Variants in EXTL3 observed in about 807,000 individuals in gnomAD.
EXTL3 encodes exostosin-like 3.
Under a neutral mutation model 69.3 loss-of-function variants are expected in EXTL3, and 27 were observed. That is an observed-to-expected ratio of 0.39 (90% CI 0.29 to 0.54). The LOEUF is 0.54. EXTL3 is among the 20% of genes least tolerant of loss of function. The pLI, the probability that EXTL3 is intolerant of heterozygous loss-of-function variation, is 0.69. For synonymous variants in EXTL3, 511 were observed against 499.4 expected (o/e 1.02, Z -0.31); for missense variants, 1,003 against 1,231.8 (o/e 0.81, Z 2.78).
In EXTL3 at chr8:28,743,419, A is replaced by T. The variant is rs535962761; in HGVS notation, c.2550+205A>T. Among the ~76,000 whole-genome samples the T allele has an allele frequency of 2.0e-5, 3 of 152,346 alleles. No individual in the cohort carries two copies. In the South Asian group the frequency reaches 6.2e-4, roughly 32 times the overall value. ...TTCATTCCTAAGGGCAATGGATAGA[A>T]ATCAGAAGGTTTGGAACTTGGGTGG... On this transcript the variant is annotated intron_variant, in intron 6 of 6. Transcript: ENST00000220562.
chr8:28,608,759 G>A (rs1479798337), intron 2 of EXTL3, among the ~76,000 whole-genome samples: 1 of 151,992 alleles, frequency 6.6e-6, no homozygotes, highest in Non-Finnish European at 1.5e-5. Context: ...AGCTACTTGG[G>A]AGCCTGAGGT....
intron 3 of EXTL3, among the ~76,000 whole-genome samples, chr8:28,723,798 C>T (rs1364408479): frequency 1.3e-5 from 2 of 151,900 alleles, no homozygotes; most frequent in East Asian, 1.9e-4. Flanking sequence ...CATACCACCA[C>T]GCCTGGCTAA....
At chr8:28,739,535 T>G (rs1442095480) in intron 5 of EXTL3, among the ~76,000 whole-genome samples, 2 of 152,116 alleles carry the variant, frequency 1.3e-5, no homozygotes, top group Non-Finnish European at 2.9e-5. Context: ...TTCGCCATGT[T>G]GCTTAGGCTG....
intron 1 of EXTL3, among the ~76,000 whole-genome samples, chr8:28,653,474 A>G (rs1194154089): frequency 1.3e-5 from 2 of 152,134 alleles, no homozygotes; most frequent in Non-Finnish European, 2.9e-5. Context: ...GATTTGCCCC[A>G]TGTTTTCTTT....
chr8:28,633,830 A>G (rs1453163275), intron 1 of EXTL3, among the ~76,000 whole-genome samples: 6 of 152,120 alleles, frequency 3.9e-5, no homozygotes, highest in African/African-American at 7.2e-5. Flanking sequence ...GCAAAGCCCT[A>G]CATGTTTACT....
chr8:28,613,938 G>A (rs778372089), intron 2 of EXTL3, among the ~76,000 whole-genome samples: 6 of 151,520 alleles, frequency 4.0e-5, no homozygotes, highest in Non-Finnish European at 8.8e-5. Flanking sequence ...TCTGACCTCA[G>A]CCTTTGGAGT....
rs73566895 is a variant in EXTL3 at position 28,686,401 on chromosome 8, T to C, written c.-52-27056T>C. 4.7e-3 allele frequency among the ~76,000 whole-genome samples: 708 copies of C among 151,842 alleles called. 4 individuals are homozygous for C. Among genetic ancestry groups the C allele is most frequent in the African/African-American group, 0.016 (670 of 41,412 alleles). ...ATAGGTATCACCCTTTATATGATAGTTTTTGAAGTGGGCCTTGAGGTTCTT... is the reference window on the plus strand; with the variant it reads ...ATAGGTATCACCCTTTATATGATAGCTTTTGAAGTGGGCCTTGAGGTTCTT... On this transcript the variant is annotated intron_variant, in intron 1 of 6. Transcript: ENST00000523149.
chr8:28,717,446 G>A lies in EXTL3; in HGVS notation c.1387G>A (p.Val463Met). 1 of 1,614,228 alleles carries A rather than the reference G, an allele frequency of 6.2e-7. No homozygotes were observed. The highest frequency in any genetic ancestry group is 8.5e-7 in the Non-Finnish European group (1 of 1,180,052). Residue 463 changes from valine (V) to methionine (M), a missense_variant, in exon 3 of 7, where the codon GTG becomes ATG. Transcript: ENST00000220562. The surrounding 1 kb of genome is among the most constrained non-coding windows in gnomAD (Gnocchi z 8.3). ...CCTGGAAGTCGGTGCCGTCCCGGTG[G>A]TGCTGGGGGAGCAGGTCCAGCTTCC... ...EALEVGAVPV[V>M]LGEQVQLPYQ...
intron 1 of EXTL3, among the ~76,000 whole-genome samples, chr8:28,638,014 A>G (rs1404428761): frequency 6.6e-6 from 1 of 152,138 alleles, no homozygotes; most frequent in Non-Finnish European, 1.5e-5. Flanking sequence ...TTCCTGACGC[A>G]CGTGTCTTTG....
chr8:28,624,587 T>A (rs1255254391), intron 1 of EXTL3, among the ~76,000 whole-genome samples: 2 of 151,784 alleles, frequency 1.3e-5, no homozygotes, highest in Non-Finnish European at 2.9e-5. Flanking sequence ...ATTTTGTAAT[T>A]GTGAGTAAAA....
intron 3 of EXTL3, among the ~76,000 whole-genome samples, chr8:28,726,692 G>A (rs1490740056): frequency 6.6e-6 from 1 of 151,824 alleles, no homozygotes; most frequent in Non-Finnish European, 1.5e-5. Flanking sequence ...CTTTTCTCCA[G>A]TTGTGACAAC....
chr8:28,717,540 A>G lies in EXTL3; in HGVS notation c.1481A>G (p.His494Arg), dbSNP rs1801187857. Residue 494 changes from histidine (H) to arginine (R), a missense_variant, in exon 3 of 7, where the codon CAT becomes CGT. His to Arg is a conservative substitution (Grantham distance 29). This residue lies in a region of EXTL3 where 742 missense variants were observed against 815.4 expected (regional missense o/e 0.91). Transcript: ENST00000220562. This position sits in a 1 kb window ranked among gnomAD's most constrained non-coding sequence, Gnocchi z 8.3. ...CCAAAGCCTCGTGTTACCGAGGTTCATTTCCTGCTCAGAAGCCTCTCCGAT... is the reference window on the plus strand; with the variant it reads ...CCAAAGCCTCGTGTTACCGAGGTTCGTTTCCTGCTCAGAAGCCTCTCCGAT... ...VVPKPRVTEV[H>R]FLLRSLSDSD... 1.2e-6 allele frequency: 2 copies of G among 1,613,986 alleles called. No homozygotes were observed. Among genetic ancestry groups the G allele is most frequent in the Non-Finnish European group, 8.5e-7 (1 of 1,180,022 alleles).
intron 4 of EXTL3, among the ~76,000 whole-genome samples, chr8:28,732,100 T>C (rs1801549846): frequency 6.6e-6 from 1 of 152,164 alleles, no homozygotes; most frequent in Admixed American, 6.5e-5. Context: ...AATGCAGGTT[T>C]GTCACACTCC....
At chr8:28,684,373 C>T (rs1319376865) in intron 1 of EXTL3, among the ~76,000 whole-genome samples, 1 of 152,144 alleles carries the variant, frequency 6.6e-6, no homozygotes. Context: ...AGTGGTTGTA[C>T]TATCTATCAT....
intron 6 of EXTL3, among the ~76,000 whole-genome samples, chr8:28,745,792 T>C (rs1383919654): frequency 1.3e-5 from 2 of 152,248 alleles, no homozygotes; most frequent in East Asian, 3.8e-4. Context: ...GGCCAGTGTT[T>C]CATTAGTTAA....
chr8:28,738,210 GT>G (rs1345101380), intron 5 of EXTL3, among the ~76,000 whole-genome samples: 1 of 152,048 alleles, frequency 6.6e-6, no homozygotes, highest in African/African-American at 2.4e-5. Flanking sequence ...TCTGTATTCT[GT>G]TTTTTTCTCC....
chr8:28,669,355 G>A (rs1225160881), intron 1 of EXTL3, among the ~76,000 whole-genome samples: 1 of 152,228 alleles, frequency 6.6e-6, no homozygotes. Flanking sequence ...ACCTACATCA[G>A]TACTTAAAGT....
rs887459461 is a variant in EXTL3, at chr8:28,739,893, G to A, written c.2421+2230G>A. The A allele has an allele frequency of 2.2e-4, 33 of 152,286 alleles. 1 individual carries two copies. The highest frequency in any genetic ancestry group is 1.9e-3 in the Admixed American group (29 of 15,298). 9.4% of individuals were successfully genotyped at this position (152,286 alleles called of 1,614,324 possible). On this transcript the variant is annotated intron_variant, in intron 5 of 6. Transcript: ENST00000220562. ...TAGCAGCGTCTACTCATACCTTGAG[G>A]ATGTACTTATCTTCTGAATTGCCTT...
At chr8:28,658,201 G>T (rs528558589) in intron 1 of EXTL3, among the ~76,000 whole-genome samples, 1 of 133,924 alleles carries the variant, frequency 7.5e-6, no homozygotes, top group Non-Finnish European at 1.6e-5. Context: ...CCGGACGGTG[G>T]GTGGGGGGGG....
Sources: allele counts gnomAD v4.1 joint callset (sites outside exome capture counted in the v4.1 genomes callset), GRCh38; gene constraint gnomAD v4.1.1; regional missense constraint gnomAD v4.1.1; non-coding constraint Gnocchi (gnomAD v3.1); transcripts MANE v1.5; gene names NCBI Gene and HGNC (gene_info 2026-07-23, HGNC 2026-07-21).